The following CHD1 variants were observed in gnomAD, a reference collection of about 807,000 sequenced individuals.
The protein encoded by CHD1 is ATP-dependent chromatin remodeler CHD1.
CHD1 carries 36 observed loss-of-function variants against 224.2 expected under a neutral mutation model. That is an observed-to-expected ratio of 0.16 (90% CI 0.12 to 0.21). The LOEUF is 0.21. CHD1 is among the 10% of genes least tolerant of loss of function. The probability of loss-of-function intolerance (pLI) is 1.00; values close to 1 mark genes in which losing one functional copy is unlikely to be tolerated. For missense variants in CHD1, 1,378 were observed against 1,994.8 expected (o/e 0.69, Z 5.89); for synonymous variants, 668 against 658.3 (o/e 1.01, Z -0.23).
At position 98,896,749 on chromosome 5, in the gene CHD1, G is replaced by A. The variant is rs578199324; in HGVS notation, c.1494-307C>T. 2.0e-5 allele frequency among the ~76,000 whole-genome samples: 3 copies of A among 148,622 alleles called. 1 individual carries two copies. Among genetic ancestry groups the A allele is most frequent in the African/African-American group, 7.4e-5 (3 of 40,374 alleles). ...ATTCATCTACTAGTAGTAGAGTCCA[G>A]ATATATTAAATAAGTAAAAAGTATA... On this transcript the variant is annotated intron_variant, in intron 11 of 35. Transcript: ENST00000614616.
chr5:98,856,011 A>T lies in CHD1; in HGVS notation c.*369T>A, dbSNP rs1219764934. ...TTCCTGAAACATGATCACAGGTCAG[A>T]GTAAAGTTCATATATAAACATAATT... On this transcript the variant is annotated 3_prime_UTR_variant, in exon 36 of 36. Coordinates refer to ENST00000614616, the MANE Select transcript of CHD1 (RefSeq NM_001270.4). 1 of 163,288 alleles carries T rather than the reference A, an allele frequency of 6.1e-6. No homozygotes were observed. The allele number at this position is 163,288 out of a possible 1,614,324, so 10.1% of individuals were successfully genotyped here.
rs904994057 is a variant in CHD1 at position 98,915,485 on chromosome 5, A to G, written c.54-10387T>C. On this transcript the variant is annotated intron_variant, in intron 2 of 35. Coordinates refer to ENST00000614616, the MANE Select transcript of CHD1 (RefSeq NM_001270.4). ...GAACCCAGGATAAACTCAAAAGTAAATATTTTCTAGTAAGCAGAGAATGAG... is the reference window on the plus strand; with the variant it reads ...GAACCCAGGATAAACTCAAAAGTAAGTATTTTCTAGTAAGCAGAGAATGAG... Among the ~76,000 whole-genome samples the G allele has an allele frequency of 3.3e-5, 5 of 152,354 alleles. No individual in the cohort carries two copies. In the East Asian group the frequency reaches 7.7e-4, roughly 23 times the overall value.
chr5:98,889,138 G>T lies in CHD1; in HGVS notation c.2281C>A (p.His761Asn). The T allele has an allele frequency of 6.2e-7, 1 of 1,606,406 alleles. No homozygotes were observed. Among genetic ancestry groups the T allele is most frequent in the South Asian group, 1.1e-5 (1 of 90,716 alleles). The change falls in exon 16 of 36, where the codon CAT becomes AAT. Residue 761 changes from histidine (H) to asparagine (N), a missense_variant. Coordinates refer to ENST00000614616, the MANE Select transcript of CHD1 (RefSeq NM_001270.4). ...TCTGGTGGTTTAATGAGGTAGCAATGGTTACAACATTTCTTTAGCTCCATC... is the reference window on the plus strand; with the variant it reads ...TCTGGTGGTTTAATGAGGTAGCAATTGTTACAACATTTCTTTAGCTCCATC... ...IMMELKKCCNHCYLIKPPDNN... is the reference protein window; with the variant it reads ...IMMELKKCCNNCYLIKPPDNN...
chr5:98,870,878 C>T (rs1749281978), intron 28 of CHD1, 75 bp from the exon 29 acceptor site: 3 of 814,376 alleles, frequency 3.7e-6, no homozygotes, highest in Non-Finnish European at 4.0e-6. Flanking sequence ...AAATGCTTAA[C>T]CATTTAAATA....
In CHD1 at chr5:98,897,329, G is replaced by C; in HGVS notation, c.1366-9C>G. On this transcript the variant is annotated splice_polypyrimidine_tract_variant and intron_variant, in intron 10 of 35. Coordinates refer to ENST00000614616, the MANE Select transcript of CHD1 (RefSeq NM_001270.4). ...GGCCTTTGTTTTAATACCTTTAGTA[G>C]AAATAAACATTATTATGTAGAGTTA... is the stretch of plus-strand genomic sequence containing the variant. 1.3e-5 allele frequency: 20 copies of C among 1,557,558 alleles called. No individual in the cohort carries two copies. The highest frequency in any genetic ancestry group is 1.6e-5 in the Non-Finnish European group (18 of 1,140,532).
In CHD1 at chr5:98,855,066, T is replaced by A. The variant is rs1453321630; in HGVS notation, c.*1314A>T. On this transcript the variant is annotated 3_prime_UTR_variant, in exon 36 of 36. Coordinates refer to ENST00000614616, the MANE Select transcript of CHD1 (RefSeq NM_001270.4). ...CAGATTTAGTTGTAATGCTACACAT[T>A]ACAAATATTCAACTGCTTACCAAAA... 6.6e-6 allele frequency: 1 copy of A among 152,164 alleles called. No individual in the cohort carries two copies. Among genetic ancestry groups the A allele is most frequent in the Non-Finnish European group, 1.5e-5 (1 of 68,096 alleles). 9.4% of individuals were successfully genotyped at this position (152,164 alleles called of 1,614,324 possible). A position where few individuals can be genotyped will look rare whatever the true frequency, so the allele number is the denominator to read the frequency against.
At chr5:98,928,045 C>T (rs1239344276) in intron 1 of CHD1, among the ~76,000 whole-genome samples, 1 of 152,170 alleles carries the variant, frequency 6.6e-6, no homozygotes, top group African/African-American at 2.4e-5. Context: ...CCATCCAGCG[C>T]GCTCCAATCA....
chr5:98,874,469 G>A (rs1749593319), intron 25 of CHD1, among the ~76,000 whole-genome samples: 1 of 149,980 alleles, frequency 6.7e-6, no homozygotes, highest in Admixed American at 6.7e-5. Context: ...GGAGGCTGAG[G>A]CAGGCGGATC....
At chr5:98,868,907 G>T in intron 30 of CHD1, 1 of 531,358 alleles carries the variant, frequency 1.9e-6, no homozygotes, top group Non-Finnish European at 2.5e-6. Context: ...TGCTTCTGAA[G>T]AACTCAGTTA....
chr5:98,889,310 C>T, intron 15 of CHD1, 72 bp from the exon 16 acceptor site: 1 of 1,223,162 alleles, frequency 8.2e-7, no homozygotes, highest in South Asian at 1.6e-5. Flanking sequence ...AGCATTAAAA[C>T]AAACAAAAAA....
chr5:98,860,219 A>C, intron 32 of CHD1, 151 bp from the exon 33 acceptor site: 1 of 641,646 alleles, frequency 1.6e-6, no homozygotes, highest in Non-Finnish European at 2.9e-6. Flanking sequence ...TTTCCTATGC[A>C]TTTTTTCAAA....
At chr5:98,922,988 CA>C (rs1235775371) in intron 2 of CHD1, among the ~76,000 whole-genome samples, 10 of 141,604 alleles carry the variant, frequency 7.1e-5, no homozygotes, top group South Asian at 2.2e-4. Context: ...GACTCTGGCT[CA>C]AAAAAAAGAA....
rs147174058 is a variant in CHD1 at position 98,921,492 on chromosome 5, TATA to T, written c.53+4839_53+4841del. Among the ~76,000 whole-genome samples the T allele has an allele frequency of 1.2e-3, 177 of 152,324 alleles. 1 individual carries two copies. The highest frequency in any genetic ancestry group is 4.1e-3 in the African/African-American group (171 of 41,566). On this transcript the variant is annotated intron_variant, in intron 2 of 35. Transcript: ENST00000614616. ...GGGGCGAGGCACAAGGTTCTACAGT[TATA>T]ATAAGCTCCCAAATGATGCCAACAC... is the stretch of plus-strand genomic sequence containing the variant.
Position 98,868,676 on chromosome 5 carries a change from T to C in CHD1, c.4108-41A>G, listed in dbSNP as rs375909293. ...AAAGAAAACAAAAACAAAACCCCAA[T>C]AGCAACAAAGGCAAAATGACTAACA... is the stretch of plus-strand genomic sequence containing the variant. On this transcript the variant is annotated intron_variant, in intron 30 of 35. Coordinates refer to ENST00000614616, the MANE Select transcript of CHD1 (RefSeq NM_001270.4). The C allele has an allele frequency of 1.1e-5, 17 of 1,503,868 alleles. No individual in the cohort carries two copies. The Admixed American group carries it at 1.9e-4, about 16-fold the overall frequency. 93.2% of individuals were successfully genotyped at this position (1,503,868 alleles called of 1,614,324 possible).
intron 26 of CHD1, among the ~76,000 whole-genome samples, chr5:98,873,272 A>G (rs765484201): frequency 6.6e-6 from 1 of 152,300 alleles, no homozygotes; most frequent in African/African-American, 2.4e-5. Flanking sequence ...TAAAAAACCT[A>G]TAGATACTAT....
intron 25 of CHD1, among the ~76,000 whole-genome samples, chr5:98,874,537 TAAAAA>T (rs70984332): frequency 2.3e-5 from 2 of 88,278 alleles, no homozygotes; most frequent in Admixed American, 1.3e-4. Context: ...CCGTCTCTAC[TAAAAA>T]AAAAAAAAAA....
At chr5:98,916,780 T>C (rs1048573751) in intron 2 of CHD1, among the ~76,000 whole-genome samples, 10 of 152,126 alleles carry the variant, frequency 6.6e-5, no homozygotes, top group African/African-American at 2.4e-4. Flanking sequence ...AACAATGTAG[T>C]ATGTACCAGA....
intron 32 of CHD1, among the ~76,000 whole-genome samples, chr5:98,861,956 A>G (rs1748509994): frequency 6.6e-6 from 1 of 152,118 alleles, no homozygotes; most frequent in Non-Finnish European, 1.5e-5. Context: ...CAGGAGTTCA[A>G]CACCAGCCTG....
chr5:98,907,231 T>C (rs1478892380), intron 2 of CHD1, among the ~76,000 whole-genome samples: 1 of 152,234 alleles, frequency 6.6e-6, no homozygotes, highest in Non-Finnish European at 1.5e-5. Context: ...TGTCTTTACC[T>C]TGGGTATTAG....
Sources: gnomAD v4.1 joint callset for allele counts (sites outside exome capture counted in the v4.1 genomes callset) on GRCh38, gnomAD v4.1.1 for gene constraint, MANE v1.5 for transcripts, NCBI Gene and HGNC (gene_info 2026-07-23, HGNC 2026-07-21) for gene names.